The following CNTNAP2 variants were observed in gnomAD, a reference collection of about 807,000 sequenced individuals.
CNTNAP2 encodes the protein contactin associated protein 2.
A neutral mutation model predicts 155.2 loss-of-function variants in CNTNAP2; 98 were observed. The ratio of observed to expected loss-of-function variants is 0.63; its 90% CI spans 0.54 to 0.75. CNTNAP2 has a LOEUF of 0.75. Among genes scored for constraint, CNTNAP2 ranks in the 30% least tolerant of loss-of-function variants. CNTNAP2 has a pLI of 0.00. For synonymous variants in CNTNAP2, 651 were observed against 631.2 expected (o/e 1.03, Z -0.47); for missense variants, 1,727 against 1,688.1 (o/e 1.02, Z -0.40).
rs1255976041 is a variant in CNTNAP2 at position 147,060,192 on chromosome 7, AATGTATC to A, written c.550+16139_550+16145del. Among the ~76,000 whole-genome samples the A allele has an allele frequency of 5.0e-5, 7 of 139,416 alleles. No individual in the cohort carries two copies. In the South Asian group the frequency reaches 9.3e-4, roughly 18 times the overall value. 91.5% of individuals were successfully genotyped at this position (139,416 alleles called of 152,430 possible). On this transcript the variant is annotated intron_variant, in intron 4 of 23. Coordinates refer to ENST00000361727, the MANE Select transcript of CNTNAP2 (RefSeq NM_014141.6). ...CCCAAAGTAACAATTTAAAAAAAAA[AATGTATC>A]TGTCCTTGAGGGGAACACAGTACAT...
chr7:148,239,387 A>G (rs1162166531), intron 20 of CNTNAP2, among the ~76,000 whole-genome samples: 2 of 152,234 alleles, frequency 1.3e-5, no homozygotes, highest in Non-Finnish European at 2.9e-5. Flanking sequence ...TATTGAACTG[A>G]TATAGAAGAT....
At chr7:147,862,909 A>C (rs4305811) in intron 13 of CNTNAP2, among the ~76,000 whole-genome samples, 90,582 of 151,508 alleles carry the variant, frequency 0.6, 27,336 homozygotes, top group Middle Eastern at 0.69. Context: ...TAAGGGAAGC[A>C]AAGTATCTTT....
At chr7:147,642,727 T>C (rs1477266984) in intron 13 of CNTNAP2, among the ~76,000 whole-genome samples, 2 of 152,196 alleles carry the variant, frequency 1.3e-5, no homozygotes, top group Non-Finnish European at 2.9e-5. Context: ...TATATCACTT[T>C]CTTTGTATTT....
At chr7:147,147,932 G>T (rs1399603097) in intron 8 of CNTNAP2, among the ~76,000 whole-genome samples, 2 of 152,008 alleles carry the variant, frequency 1.3e-5, no homozygotes, top group South Asian at 4.1e-4. Context: ...TTATTCATAC[G>T]TGAATATTGC....
chr7:146,332,981 T>C (rs559099872), intron 1 of CNTNAP2, among the ~76,000 whole-genome samples: 8 of 146,434 alleles, frequency 5.5e-5, no homozygotes, highest in African/African-American at 2.1e-4. Flanking sequence ...TCTCACTCTG[T>C]AACCCAGATT....
chr7:147,906,497 A>AT (rs575324842), intron 14 of CNTNAP2, among the ~76,000 whole-genome samples: 6,048 of 145,648 alleles, frequency 0.042, 250 homozygotes, highest in East Asian at 0.18. Flanking sequence ...TTTATTTTTT[A>AT]TTTTTTTTTT....
chr7:146,993,584 T>C (rs552451276), intron 3 of CNTNAP2, among the ~76,000 whole-genome samples: 2 of 152,242 alleles, frequency 1.3e-5, no homozygotes, highest in East Asian at 1.9e-4. Flanking sequence ...CATCACCTGA[T>C]GGTGGCCCGA....
At chr7:147,915,754 C>T (rs1408879346) in intron 14 of CNTNAP2, among the ~76,000 whole-genome samples, 5 of 144,388 alleles carry the variant, frequency 3.5e-5, no homozygotes, top group East Asian at 2.1e-4. Context: ...GGGTGGCGGG[C>T]GGGGGTGAAG....
intron 13 of CNTNAP2, among the ~76,000 whole-genome samples, chr7:147,851,856 A>G (rs1215543544): frequency 6.6e-6 from 1 of 152,248 alleles, no homozygotes; most frequent in African/African-American, 2.4e-5. Flanking sequence ...ACATGTATAC[A>G]TATGTAATAA....
At chr7:147,173,794 A>C (rs1802280543) in intron 8 of CNTNAP2, among the ~76,000 whole-genome samples, 1 of 152,130 alleles carries the variant, frequency 6.6e-6, no homozygotes, top group Non-Finnish European at 1.5e-5. Flanking sequence ...GGGACATTGC[A>C]TCCCGGGAAG....
intron 1 of CNTNAP2, among the ~76,000 whole-genome samples, chr7:146,358,480 AACTT>A (rs2129100301): frequency 6.6e-6 from 1 of 152,322 alleles, no homozygotes; most frequent in South Asian, 2.1e-4. Context: ...TTCTAAATAA[AACTT>A]ACTTCCATTC....
chr7:146,822,861 A>G (rs534922235), intron 2 of CNTNAP2, among the ~76,000 whole-genome samples: 1 of 149,816 alleles, frequency 6.7e-6, no homozygotes, highest in East Asian at 2.0e-4. Context: ...GCATATTTAA[A>G]TGTAAATATA....
At chr7:147,409,063 G>A (rs957357570) in intron 10 of CNTNAP2, among the ~76,000 whole-genome samples, 1 of 152,172 alleles carries the variant, frequency 6.6e-6, no homozygotes, top group African/African-American at 2.4e-5. Flanking sequence ...ATGAAAGATT[G>A]TTATATTCAC....
chr7:147,870,596 C>A (rs1376158622), intron 13 of CNTNAP2, among the ~76,000 whole-genome samples: 1 of 152,156 alleles, frequency 6.6e-6, no homozygotes, highest in Non-Finnish European at 1.5e-5. Flanking sequence ...CATGCTCAAC[C>A]CCAATGCCAA....
At chr7:146,304,126 A>T (rs1800664856) in intron 1 of CNTNAP2, among the ~76,000 whole-genome samples, 2 of 141,654 alleles carry the variant, frequency 1.4e-5, no homozygotes, top group African/African-American at 2.7e-5. Flanking sequence ...TGCTTGGTAG[A>T]TCTTCCTCTG....
rs111538114 is a variant in CNTNAP2 at position 147,455,956 on chromosome 7, C to T, written c.1671-29979C>T. Among the ~76,000 whole-genome samples, 1,206 of 152,132 alleles carry T rather than the reference C, an allele frequency of 7.9e-3. 13 individuals are homozygous for T. Among genetic ancestry groups the T allele is most frequent in the African/African-American group, 0.028 (1,146 of 41,524 alleles). The stretch of plus-strand genomic sequence containing the variant: ...ATCTCCAGAGATGTTGAAAAGGCAT[C>T]AGACAAAATTCAATACTAGTAATTT... On this transcript the variant is annotated intron_variant, in intron 10 of 23. Transcript: ENST00000361727.
At position 148,394,885 on chromosome 7, in the gene CNTNAP2, C is replaced by T. The variant is rs555949140; in HGVS notation, c.3715+10997C>T. On this transcript the variant is annotated intron_variant, in intron 22 of 23. Coordinates refer to ENST00000361727, the MANE Select transcript of CNTNAP2 (RefSeq NM_014141.6). ...TTTCCCCTGGAAAACCACTTGAGCC[C>T]ACTGCTTCTTGTGGGAGCAGATCTT... Among the ~76,000 whole-genome samples the T allele has an allele frequency of 3.3e-5, 5 of 152,348 alleles. No homozygotes were observed. In the East Asian group the frequency reaches 9.7e-4, roughly 29 times the overall value.
intron 20 of CNTNAP2, among the ~76,000 whole-genome samples, chr7:148,257,575 C>T (rs922577510): frequency 6.6e-6 from 1 of 152,176 alleles, no homozygotes; most frequent in Non-Finnish European, 1.5e-5. Flanking sequence ...GGAGGGATGG[C>T]CGCAGGGCTT....
chr7:148,036,485 T>C (rs1388415097), intron 15 of CNTNAP2, among the ~76,000 whole-genome samples: 2 of 152,090 alleles, frequency 1.3e-5, no homozygotes, highest in African/African-American at 4.8e-5. Context: ...TTGGCCTCTC[T>C]TGCTCTCTCT....
Sources: allele counts gnomAD v4.1 joint callset (sites outside exome capture counted in the v4.1 genomes callset), GRCh38; gene constraint gnomAD v4.1.1; transcripts MANE v1.5; gene names NCBI Gene and HGNC (gene_info 2026-07-23, HGNC 2026-07-21).